The following NLRC3 variants were observed in gnomAD, a reference collection of about 807,000 sequenced individuals.
The protein encoded by NLRC3 is NLR family CARD domain-containing protein 3.
Under a neutral mutation model 91.6 loss-of-function variants are expected in NLRC3, and 87 were observed. The ratio of observed to expected loss-of-function variants is 0.95; its 90% confidence interval spans 0.80 to 1.14. The LOEUF is 1.14. Ranked by LOEUF, NLRC3 falls within the 50% of genes most tolerant of loss-of-function variation. The pLI, the probability that NLRC3 is intolerant of heterozygous loss-of-function variation, is 0.00. For missense variants in NLRC3, 1,577 were observed against 1,418.6 expected (o/e 1.11, Z -1.79); for synonymous variants, 694 against 625.3 (o/e 1.11, Z -1.64).
intron 1 of NLRC3, among the ~76,000 whole-genome samples, chr16:3,575,702 A>T (rs1479207938): frequency 6.6e-6 from 1 of 152,180 alleles, no homozygotes; most frequent in Non-Finnish European, 1.5e-5. Flanking sequence ...ATTCCTGAGA[A>T]GCCTCAGTCC....
intron 6 of NLRC3, among the ~76,000 whole-genome samples, chr16:3,559,389 C>T (rs2039499370): frequency 6.6e-6 from 1 of 152,068 alleles, no homozygotes; most frequent in African/African-American, 2.4e-5. Flanking sequence ...GTAAAGATGG[C>T]ATCTTGCCAT....
rs1596479695 is a variant in NLRC3 at position 3,563,813 on chromosome 16, T to C, written c.1124A>G (p.Glu375Gly). The change falls in exon 5 of 20, where the codon GAG (glutamate) becomes GGG (glycine). Residue 375 changes from glutamate to glycine, a missense_variant. Glu to Gly is a moderately conservative substitution (Grantham distance 98). Transcript: ENST00000359128. Reference sequence around the variant, plus strand: ...GCTTGCCTTGCCCTTCTCCTGCCCCTCCCCGCTGAGGGCCATCCTAAAGTA... The same window carrying C: ...GCTTGCCTTGCCCTTCTCCTGCCCCCCCCCGCTGAGGGCCATCCTAAAGTA... ...SWYFRMALSG[E>G]GQEKGKASPR... 2 of 1,609,904 alleles carry C rather than the reference T, an allele frequency of 1.2e-6. No homozygotes were observed. The highest frequency in any genetic ancestry group is 1.3e-5 in the African/African-American group (1 of 74,850).
chr16:3,546,743 G>A (rs2038712498), intron 15 of NLRC3, among the ~76,000 whole-genome samples: 1 of 152,150 alleles, frequency 6.6e-6, no homozygotes, highest in Non-Finnish European at 1.5e-5. Flanking sequence ...TGGACGCGCA[G>A]GTCTAGGGTT....
At chr16:3,566,101 C>CAAAAAAAAAAAAA (rs1027448717) in intron 2 of NLRC3, among the ~76,000 whole-genome samples, 2 of 21,318 alleles carry the variant, frequency 9.4e-5, no homozygotes, top group African/African-American at 2.0e-4. Flanking sequence ...GAGCAAAAAG[C>CAAAAAAAAAAAAA]AAAAAAAAAA....
chr16:3,576,645 T>G (rs2040306464), intron 1 of NLRC3, among the ~76,000 whole-genome samples: 1 of 152,012 alleles, frequency 6.6e-6, no homozygotes, highest in African/African-American at 2.4e-5. Context: ...AGTTACCTGT[T>G]TTTTCTTTTC....
At chr16:3,557,086 C>T in intron 7 of NLRC3, 92 bp from the exon 8 acceptor site, 1 of 856,074 alleles carries the variant, frequency 1.2e-6, no homozygotes, top group South Asian at 1.5e-5. Flanking sequence ...ATTCGTGATC[C>T]TCTAAGGGAA....
Position 3,564,549 on chromosome 16 carries a change from G to T in NLRC3, c.388C>A (p.Pro130Thr), listed in dbSNP as rs1230861989. ...RTVALDRLFL[P>T]LSRVSVPPRV... Reference sequence around the variant, plus strand: ...GGTGGGACAGACACCCGGGAGAGAGGCAGGAAGAGCCGGTCCAGGGCGACG... The same window carrying T: ...GGTGGGACAGACACCCGGGAGAGAGTCAGGAAGAGCCGGTCCAGGGCGACG... Residue 130 changes from proline (P) to threonine (T), a missense_variant, in exon 5 of 20, where the codon CCT (proline) becomes ACT (threonine). Physicochemically the swap from Pro to Thr is conservative, Grantham distance 38. Coordinates refer to ENST00000359128, the MANE Select transcript of NLRC3 (RefSeq NM_178844.4). The surrounding 1 kb of genome is among the most constrained non-coding windows in gnomAD (Gnocchi z 5.9). 1.2e-6 allele frequency: 2 copies of T among 1,611,988 alleles called. No homozygotes were observed. Among genetic ancestry groups the T allele is most frequent in the Admixed American group, 1.7e-5 (1 of 59,994 alleles).
At position 3,572,070 on chromosome 16, in the gene NLRC3, G is replaced by T. The variant is rs78838312; in HGVS notation, c.-168-4746C>A. ...AATATGAATATCCTTAATATATAAA[G>T]AACTTATAAATCAATAATAAGTAAC... On this transcript the variant is annotated intron_variant, in intron 1 of 19. Coordinates refer to ENST00000359128, the MANE Select transcript of NLRC3 (RefSeq NM_178844.4). Among the ~76,000 whole-genome samples, 14 of 151,900 alleles carry T rather than the reference G, an allele frequency of 9.2e-5. No individual in the cohort carries two copies. In the East Asian group the frequency reaches 2.7e-3, roughly 29 times the overall value.
intron 6 of NLRC3, among the ~76,000 whole-genome samples, chr16:3,558,992 A>G (rs1438738474): frequency 6.6e-6 from 1 of 152,158 alleles, no homozygotes; most frequent in African/African-American, 2.4e-5. Context: ...GGCTGGTCTC[A>G]AACTCCTGGG....
In NLRC3 at chr16:3,563,259, C is replaced by G. The variant is rs764372164; in HGVS notation, c.1678G>C (p.Val560Leu). ...LQGCLRPDAAVCARAINVLHC... is the reference protein window; with the variant it reads ...LQGCLRPDAALCARAINVLHC... ...AACACGTTGATGGCCCGTGCACAGA[C>G]TGCGGCATCGGGGCGCAGGCAGCCC... Residue 560 changes from valine to leucine, a missense_variant, in exon 5 of 20, where the codon GTC becomes CTC. Transcript: ENST00000359128. 5.6e-6 allele frequency: 9 copies of G among 1,606,534 alleles called. No individual in the cohort carries two copies. In the Admixed American group the frequency reaches 1.5e-4, roughly 27 times the overall value.
intron 15 of NLRC3, chr16:3,544,644 A>G: frequency 6.1e-6 from 2 of 325,438 alleles, no homozygotes; most frequent in Non-Finnish European, 1.2e-5. Context: ...AAATGAACTT[A>G]AAGCCCTCAA....
At chr16:3,572,570 G>C (rs770227924) in intron 1 of NLRC3, among the ~76,000 whole-genome samples, 3 of 152,200 alleles carry the variant, frequency 2.0e-5, no homozygotes, top group Admixed American at 6.5e-5. Flanking sequence ...TTATTGGCAT[G>C]AGCCACTGTG....
At chr16:3,554,215 G>C (rs761668074) in intron 9 of NLRC3, 27 bp downstream of exon 9, 4 of 1,539,090 alleles carry the variant, frequency 2.6e-6, no homozygotes, top group South Asian at 2.2e-5. Flanking sequence ...GGGAGAGAAG[G>C]GGGAGAGAGG....
In NLRC3 at chr16:3,563,257, G is replaced by A; in HGVS notation, c.1680C>T (p.Val560=). 1 of 1,606,728 alleles carries A rather than the reference G, an allele frequency of 6.2e-7. No individual in the cohort carries two copies. Among genetic ancestry groups the A allele is most frequent in the Non-Finnish European group, 8.5e-7 (1 of 1,178,290 alleles). ...LQGCLRPDAA[V]CARAINVLHC... The stretch of plus-strand genomic sequence containing the variant: ...GCAACACGTTGATGGCCCGTGCACA[G>A]ACTGCGGCATCGGGGCGCAGGCAGC... Residue 560 remains valine (V), a synonymous_variant, in exon 5 of 20, where the codon GTC becomes GTT. Transcript: ENST00000359128.
At chr16:3,547,117 G>A (rs182563536) in intron 15 of NLRC3, among the ~76,000 whole-genome samples, 15 of 152,314 alleles carry the variant, frequency 9.8e-5, no homozygotes, top group Admixed American at 3.9e-4. Flanking sequence ...CAGCAGCACC[G>A]TTCCTAACAG....
At chr16:3,567,848 T>C (rs922394335) in intron 1 of NLRC3, among the ~76,000 whole-genome samples, 4 of 143,662 alleles carry the variant, frequency 2.8e-5, no homozygotes, top group Admixed American at 2.1e-4. Flanking sequence ...GGATTAGCAG[T>C]GGGGAGCCTA....
intron 9 of NLRC3, among the ~76,000 whole-genome samples, chr16:3,553,158 T>C (rs2039101919): frequency 6.6e-6 from 1 of 152,188 alleles, no homozygotes; most frequent in Non-Finnish European, 1.5e-5. Context: ...GGAAAGAGAC[T>C]CCTTACCACC....
At chr16:3,557,892 T>C (rs1008690039) in intron 6 of NLRC3, among the ~76,000 whole-genome samples, 10 of 152,138 alleles carry the variant, frequency 6.6e-5, no homozygotes, top group Non-Finnish European at 1.3e-4. Context: ...CAGACCCTCA[T>C]CATGGCAAAG....
At chr16:3,575,736 A>C (rs1026935611) in intron 1 of NLRC3, among the ~76,000 whole-genome samples, 1 of 151,526 alleles carries the variant, frequency 6.6e-6, no homozygotes, top group African/African-American at 2.4e-5. Context: ...GCCTCTGCCC[A>C]TCACCCGCCC....
Sources: allele counts gnomAD v4.1 joint callset (sites outside exome capture counted in the v4.1 genomes callset), GRCh38; gene constraint gnomAD v4.1.1; non-coding constraint Gnocchi (gnomAD v3.1); transcripts MANE v1.5; gene names NCBI Gene and HGNC (gene_info 2026-07-23, HGNC 2026-07-21).